Variants in MTDH observed in about 807,000 individuals in gnomAD.
MTDH encodes protein LYRIC.
Under a neutral mutation model 72.7 loss-of-function variants are expected in MTDH, and 34 were observed. The ratio of observed to expected loss-of-function variants is 0.47; its 90% CI spans 0.36 to 0.62. MTDH has a LOEUF of 0.62. Ranked by LOEUF, MTDH falls within the 20% of genes least tolerant of loss-of-function variation. The pLI is 0.00. For synonymous variants in MTDH, 266 were observed against 268.9 expected (o/e 0.99, Z 0.10); for missense variants, 677 against 699.4 (o/e 0.97, Z 0.36).
At chr8:97,689,162 A>G (rs1563547756) in intron 5 of MTDH, 59 bp downstream of exon 5, 3 of 878,148 alleles carry the variant, frequency 3.4e-6, no homozygotes, top group South Asian at 1.8e-5. Flanking sequence ...ATTTATATAC[A>G]TACCTCTTTC....
At chr8:97,709,662 G>A (rs1814539554) in intron 8 of MTDH, among the ~76,000 whole-genome samples, 1 of 152,142 alleles carries the variant, frequency 6.6e-6, no homozygotes, top group African/African-American at 2.4e-5. Context: ...TAAAAAGATA[G>A]AATATGTCAT....
At chr8:97,715,196 C>T (rs930693355) in intron 9 of MTDH, among the ~76,000 whole-genome samples, 3 of 151,666 alleles carry the variant, frequency 2.0e-5, no homozygotes, top group Non-Finnish European at 2.9e-5. Flanking sequence ...GGCATAGTCT[C>T]ACCTCACTGT....
intron 1 of MTDH, among the ~76,000 whole-genome samples, chr8:97,652,057 A>G (rs940054379): frequency 6.6e-6 from 1 of 152,188 alleles, no homozygotes; most frequent in South Asian, 2.1e-4. Flanking sequence ...TACTTTTTCT[A>G]GTGTCACCTT....
chr8:97,714,224 T>G lies in MTDH; in HGVS notation c.1380+455T>G, dbSNP rs1814758654. ...TTTGGCATCTACCCAACAGACATTTTCTCTTTCCATCACTCATACATTTCC... is the reference window on the plus strand; with the variant it reads ...TTTGGCATCTACCCAACAGACATTTGCTCTTTCCATCACTCATACATTTCC... On this transcript the variant is annotated intron_variant, in intron 9 of 11. Transcript: ENST00000336273. 3.3e-5 allele frequency among the ~76,000 whole-genome samples: 5 copies of G among 152,202 alleles called. 1 individual carries two copies. In the South Asian group the frequency reaches 1.0e-3, roughly 31 times the overall value.
chr8:97,695,833 G>A (rs1009647382), intron 6 of MTDH, among the ~76,000 whole-genome samples: 2 of 152,166 alleles, frequency 1.3e-5, no homozygotes, highest in African/African-American at 2.4e-5. Context: ...TGAAAGTCAA[G>A]TACCAAGTTC....
At chr8:97,701,804 A>G (rs1232402718) in intron 7 of MTDH, among the ~76,000 whole-genome samples, 1 of 152,182 alleles carries the variant, frequency 6.6e-6, no homozygotes, top group East Asian at 1.9e-4. Flanking sequence ...ATATTAAGAT[A>G]CTTTGAATAT....
chr8:97,681,734 C>G (rs915737859), intron 2 of MTDH, among the ~76,000 whole-genome samples: 2 of 152,000 alleles, frequency 1.3e-5, no homozygotes, highest in African/African-American at 4.8e-5. Flanking sequence ...CTCAGGTAAT[C>G]CGCCCACCTC....
chr8:97,644,198 C>T lies in MTDH; in HGVS notation c.-309C>T, dbSNP rs769663433. The T allele has an allele frequency of 4.0e-5, 13 of 326,620 alleles. No homozygotes were observed. Among genetic ancestry groups the T allele is most frequent in the Non-Finnish European group, 5.0e-5 (9 of 178,444 alleles). 20.2% of individuals were successfully genotyped at this position (326,620 alleles called of 1,614,324 possible). On this transcript the variant is annotated 5_prime_UTR_variant, in exon 1 of 12. Transcript: ENST00000336273. The stretch of plus-strand genomic sequence containing the variant: ...GATCGCGGCCCAAGCCGCCATTGTT[C>T]CGCCGAGGGAGGACAGCGGGGCCTG...
At chr8:97,704,311 T>TC (rs1349440472) in intron 7 of MTDH, among the ~76,000 whole-genome samples, 1 of 152,250 alleles carries the variant, frequency 6.6e-6, no homozygotes, top group Non-Finnish European at 1.5e-5. Context: ...TACTTGTTTT[T>TC]CTATCTCTAG....
chr8:97,713,321 G>A (rs934477188), intron 8 of MTDH, among the ~76,000 whole-genome samples: 2 of 152,110 alleles, frequency 1.3e-5, no homozygotes, highest in East Asian at 1.9e-4. Flanking sequence ...TCCTGACCTC[G>A]TGATCCGCCC....
chr8:97,723,201 A>G (rs903409701), intron 11 of MTDH, among the ~76,000 whole-genome samples, 166 bp downstream of exon 11: 1 of 151,858 alleles, frequency 6.6e-6, no homozygotes, highest in African/African-American at 2.4e-5. Flanking sequence ...CATCAAGACC[A>G]TCCTGGCTAA....
intron 2 of MTDH, among the ~76,000 whole-genome samples, chr8:97,664,636 G>C (rs1185585463): frequency 6.6e-6 from 1 of 152,096 alleles, no homozygotes; most frequent in Non-Finnish European, 1.5e-5. Context: ...TTAATTTTTT[G>C]TGGTATTGCA....
intron 6 of MTDH, among the ~76,000 whole-genome samples, chr8:97,693,538 G>A (rs1407440251): frequency 3.9e-5 from 6 of 152,130 alleles, no homozygotes; most frequent in African/African-American, 1.4e-4. Context: ...ATGTTGGCCA[G>A]GCTGGTCTCA....
At chr8:97,710,392 C>T (rs1270993631) in intron 8 of MTDH, among the ~76,000 whole-genome samples, 1 of 152,128 alleles carries the variant, frequency 6.6e-6, no homozygotes, top group Non-Finnish European at 1.5e-5. Flanking sequence ...TTCAGCAGCA[C>T]ATACACTAAA....
At chr8:97,646,569 ATAAACT>A in intron 1 of MTDH, among the ~76,000 whole-genome samples, 1 of 152,286 alleles carries the variant, frequency 6.6e-6, no homozygotes, top group East Asian at 1.9e-4. Flanking sequence ...GAAATTTCAG[ATAAACT>A]TGAGTTGAGA....
chr8:97,704,335 C>G (rs1814259792), intron 7 of MTDH, among the ~76,000 whole-genome samples: 1 of 152,244 alleles, frequency 6.6e-6, no homozygotes, highest in Non-Finnish European at 1.5e-5. Flanking sequence ...CTACCTAGCT[C>G]AAGTTCTAGC....
chr8:97,655,794 A>G (rs1337456401), intron 1 of MTDH, among the ~76,000 whole-genome samples: 1 of 152,244 alleles, frequency 6.6e-6, no homozygotes, highest in Admixed American at 6.5e-5. Context: ...TCTACCAAAA[A>G]TTTAAGAAAA....
Position 97,729,192 on chromosome 8 carries a change from G to C in MTDH, c.*4522G>C, listed in dbSNP as rs139488974. 2.0e-5 allele frequency among the ~76,000 whole-genome samples: 3 copies of C among 151,220 alleles called. No homozygotes were observed. Among genetic ancestry groups the C allele is most frequent in the African/African-American group, 7.3e-5 (3 of 41,048 alleles). On this transcript the variant is annotated 3_prime_UTR_variant, in exon 12 of 12. Transcript: ENST00000336273. ...TCCTCCTGCCTTGGCCTCCCAAAGTGCTGGTGTTACAGGTGTGAGCCACCA... is the reference window on the plus strand; with the variant it reads ...TCCTCCTGCCTTGGCCTCCCAAAGTCCTGGTGTTACAGGTGTGAGCCACCA...
chr8:97,700,715 T>C (rs1284791750), intron 7 of MTDH, among the ~76,000 whole-genome samples: 1 of 152,270 alleles, frequency 6.6e-6, no homozygotes, highest in African/African-American at 2.4e-5. Flanking sequence ...TTTCCACACT[T>C]TCCAGATGAA....
Sources: allele counts gnomAD v4.1 joint callset (sites outside exome capture counted in the v4.1 genomes callset), GRCh38; gene constraint gnomAD v4.1.1; transcripts MANE v1.5; gene names NCBI Gene and HGNC (gene_info 2026-07-23, HGNC 2026-07-21).